SVEP1: variants seen among roughly 807,000 people sequenced by gnomAD.
The protein encoded by SVEP1 is sushi, von Willebrand factor type A, EGF and pentraxin domain-containing protein 1.
In SVEP1, 164 loss-of-function variants were observed where a neutral mutation model predicts 367.3. The ratio of observed to expected loss-of-function variants is 0.45; its 90% CI spans 0.39 to 0.51. The LOEUF (loss-of-function observed/expected upper bound fraction) is 0.51, where lower values mean the gene tolerates loss of function less well. Among genes scored for constraint, SVEP1 ranks in the 20% least tolerant of loss-of-function variants. SVEP1 has a pLI of 0.00. For missense variants in SVEP1, 4,117 were observed against 4,425.3 expected (o/e 0.93, Z 1.98); for synonymous variants, 1,666 against 1,611.6 (o/e 1.03, Z -0.81).
chr9:110,483,110 T>C (rs1829220218), intron 10 of SVEP1, among the ~76,000 whole-genome samples: 1 of 152,226 alleles, frequency 6.6e-6, no homozygotes, highest in South Asian at 2.1e-4. Context: ...TTAATTTGCA[T>C]TTTTTGTTGT....
chr9:110,404,407 C>A lies in SVEP1; in HGVS notation c.9586G>T (p.Asp3196Tyr). The A allele has an allele frequency of 1.2e-6, 2 of 1,613,984 alleles. No individual in the cohort carries two copies. Among genetic ancestry groups the A allele is most frequent in the Non-Finnish European group, 1.7e-6 (2 of 1,179,884 alleles). Residue 3196 changes from aspartate to tyrosine, a missense_variant, in exon 39 of 48, where the codon GAT becomes TAT. Asp to Tyr is a radical substitution (Grantham distance 160). Coordinates refer to ENST00000374469, the MANE Select transcript of SVEP1 (RefSeq NM_153366.4). ...GAAACTTGCCTATTCACACTGAAAT[C>A]GTCCCCATGTACAAGTATATGTGTT... ...NITHILVHGD[D>Y]FSVNRQVSVS...
At chr9:110,563,785 T>C (rs1449606490) in intron 1 of SVEP1, among the ~76,000 whole-genome samples, 2 of 152,158 alleles carry the variant, frequency 1.3e-5, no homozygotes, top group African/African-American at 2.4e-5. Flanking sequence ...AGTTACACAG[T>C]ATGGTGTCTC....
At chr9:110,429,541 A>G (rs946901739) in intron 34 of SVEP1, among the ~76,000 whole-genome samples, 2 of 152,132 alleles carry the variant, frequency 1.3e-5, no homozygotes, top group African/African-American at 4.8e-5. Context: ...GATAGATTTA[A>G]GAATTTGGCT....
intron 10 of SVEP1, 148 bp from the exon 11 acceptor site, chr9:110,482,640 C>T: frequency 1.1e-6 from 1 of 902,850 alleles, no homozygotes; most frequent in Non-Finnish European, 1.6e-6. Context: ...GATTCTCCTG[C>T]CTCAGTCTCC....
At position 110,512,735 on chromosome 9, in the gene SVEP1, C is replaced by T. The variant is rs149917699; in HGVS notation, c.1303+191G>A. The T allele has an allele frequency of 4.7e-4, 322 of 690,750 alleles. 2 individuals are homozygous for T. The highest frequency in any genetic ancestry group is 4.5e-3 in the African/African-American group (252 of 55,748). 42.8% of individuals were successfully genotyped at this position (690,750 alleles called of 1,614,324 possible). On this transcript the variant is annotated intron_variant, in intron 5 of 47. Transcript: ENST00000374469. ...TTGTTCATAAAAGGGCTATAAAAGGCGTAGTTTACAATTATGTGGTCAATT... is the reference window on the plus strand; with the variant it reads ...TTGTTCATAAAAGGGCTATAAAAGGTGTAGTTTACAATTATGTGGTCAATT...
intron 14 of SVEP1, 147 bp downstream of exon 14, chr9:110,476,057 G>T: frequency 3.6e-6 from 2 of 553,546 alleles, no homozygotes; most frequent in South Asian, 2.5e-5. Context: ...TGATCTTTCA[G>T]CACATTATCA....
chr9:110,447,017 A>C lies in SVEP1; in HGVS notation c.4144T>G (p.Leu1382Val). The change falls in exon 25 of 48, where the codon TTG becomes GTG. Residue 1382 changes from leucine to valine, a missense_variant. Around this residue, in one of 4 missense-constraint regions of SVEP1, gnomAD observed 2,174 missense variants for 2,494.3 expected, o/e 0.87. Coordinates refer to ENST00000374469, the MANE Select transcript of SVEP1 (RefSeq NM_153366.4). ...TTAGACTGACATTCATTGATGTTCA[A>C]TTCACAGTGTGATCCTGTGAAGCCA... ...AAGFTGSHCELNINECQSNPC... is the reference protein window; with the variant it reads ...AAGFTGSHCEVNINECQSNPC... 6.5e-7 allele frequency: 1 copy of C among 1,541,402 alleles called. No homozygotes were observed.
chr9:110,401,341 A>G (rs569529265), intron 39 of SVEP1, among the ~76,000 whole-genome samples: 3 of 152,238 alleles, frequency 2.0e-5, no homozygotes, highest in Admixed American at 2.0e-4. Flanking sequence ...TAATACAAAT[A>G]TTCTATAACT....
intron 16 of SVEP1, among the ~76,000 whole-genome samples, chr9:110,470,322 C>T (rs1828996554): frequency 6.6e-6 from 1 of 152,024 alleles, no homozygotes; most frequent in Non-Finnish European, 1.5e-5. Context: ...TTGAATTATA[C>T]ACTTTAAAAT....
intron 20 of SVEP1, 65 bp downstream of exon 20, chr9:110,458,406 G>A (rs371471356): frequency 3.6e-6 from 5 of 1,376,316 alleles, no homozygotes; most frequent in South Asian, 1.3e-5. Flanking sequence ...TGTGTGTGAT[G>A]TGTAAAATGA....
At chr9:110,577,834 C>T (rs529469528) in intron 1 of SVEP1, among the ~76,000 whole-genome samples, 16 of 152,018 alleles carry the variant, frequency 1.1e-4, no homozygotes, top group African/African-American at 3.9e-4. Flanking sequence ...GGAAAAAATA[C>T]AAATGTCCAG....
chr9:110,444,576 T>C (rs1564144572), intron 26 of SVEP1, among the ~76,000 whole-genome samples: 1 of 152,158 alleles, frequency 6.6e-6, no homozygotes, highest in African/African-American at 2.4e-5. Context: ...AGCCAGAAGA[T>C]ATTTCCAATA....
In SVEP1 at chr9:110,525,299, T is replaced by G. The variant is rs540295844; in HGVS notation, c.965-11193A>C. Among the ~76,000 whole-genome samples, 149 of 152,302 alleles carry G rather than the reference T, an allele frequency of 9.8e-4. 1 individual carries two copies. The highest frequency in any genetic ancestry group is 3.3e-3 in the African/African-American group (138 of 41,570). Reference sequence around the variant, plus strand: ...ATGGAAACAAACACAAATCAATTGTTTCTATGTACTAGCAGTGAACATGTG... The same window carrying G: ...ATGGAAACAAACACAAATCAATTGTGTCTATGTACTAGCAGTGAACATGTG... On this transcript the variant is annotated intron_variant, in intron 3 of 47. Transcript: ENST00000374469.
Position 110,579,466 on chromosome 9 carries a change from C to T in SVEP1, c.78G>A (p.Pro26=). 1 of 1,603,082 alleles carries T rather than the reference C, an allele frequency of 6.2e-7. No homozygotes were observed. The highest frequency in any genetic ancestry group is 8.5e-7 in the Non-Finnish European group (1 of 1,175,862). ...AGAGGCGGAAGCTGAAATTGCGCGA[C>T]GGGGACATCTGCTGAAAGGTCGCCC... ...SGWATFQQMS[P]SRNFSFRLFP... Residue 26 remains proline (P), a synonymous_variant, in exon 1 of 48, where the codon CCG becomes CCA. Transcript: ENST00000374469. The surrounding 1 kb of genome is among the most constrained non-coding windows in gnomAD (Gnocchi z 5.3).
intron 3 of SVEP1, among the ~76,000 whole-genome samples, chr9:110,534,911 G>A (rs183430778): frequency 5.1e-4 from 77 of 152,152 alleles, no homozygotes; most frequent in African/African-American, 1.3e-3. Flanking sequence ...ATAGGTGCTG[G>A]ATATTAGGCC....
chr9:110,538,002 A>G (rs1830099661), intron 3 of SVEP1, among the ~76,000 whole-genome samples: 1 of 151,968 alleles, frequency 6.6e-6, no homozygotes, highest in Non-Finnish European at 1.5e-5. Flanking sequence ...ATCTTATAAC[A>G]ATAAGCAGAT....
intron 1 of SVEP1, among the ~76,000 whole-genome samples, chr9:110,555,501 T>A (rs539107008): frequency 2.5e-4 from 38 of 152,334 alleles, no homozygotes; most frequent in Non-Finnish European, 4.6e-4. Flanking sequence ...ATGAATGCTA[T>A]TTTTAATATT....
chr9:110,460,037 C>T (rs1323394152), intron 18 of SVEP1, among the ~76,000 whole-genome samples: 2 of 151,972 alleles, frequency 1.3e-5, no homozygotes, highest in African/African-American at 4.8e-5. Context: ...ATGACTCCTC[C>T]TTATTTAATA....
rs1827998188 is a variant in SVEP1, at chr9:110,408,818, G to C, written c.6782C>G (p.Pro2261Arg). The C allele has an allele frequency of 6.2e-7, 1 of 1,613,228 alleles. No individual in the cohort carries two copies. The highest frequency in any genetic ancestry group is 2.2e-5 in the East Asian group (1 of 44,876). Reference sequence around the variant, plus strand: ...CGGGGGAGGTTTTCCACAGTCGAGAGGAACACACATCAGAGGGGATTCACT... The same window carrying C: ...CGGGGGAGGTTTTCCACAGTCGAGACGAACACACATCAGAGGGGATTCACT... ...WHSESPLMCVPLDCGKPPPIQ... is the reference protein window; with the variant it reads ...WHSESPLMCVRLDCGKPPPIQ... The change falls in exon 38 of 48, where the codon CCT (proline) becomes CGT (arginine). Residue 2261 changes from proline to arginine, a missense_variant. By Grantham distance (103) the Pro-to-Arg change is moderately radical. Transcript: ENST00000374469.
Sources: gnomAD v4.1 joint callset for allele counts (sites outside exome capture counted in the v4.1 genomes callset) on GRCh38, gnomAD v4.1.1 for gene constraint, gnomAD v4.1.1 regional missense constraint, Gnocchi (gnomAD v3.1) non-coding constraint, MANE v1.5 for transcripts, NCBI Gene and HGNC (gene_info 2026-07-23, HGNC 2026-07-21) for gene names.